GMDS: variants seen among roughly 807,000 people sequenced by gnomAD.
GMDS encodes the protein GDP-mannose 4,6-dehydratase.
A neutral mutation model predicts 49.9 loss-of-function variants in GMDS; 20 were observed. That is an observed-to-expected ratio of 0.40 (90% CI 0.28 to 0.58). The LOEUF (loss-of-function observed/expected upper bound fraction) is 0.58. GMDS is among the 20% of genes least tolerant of loss of function. The pLI is 0.42. For synonymous variants in GMDS, 177 were observed against 178.6 expected, an observed-to-expected ratio of 0.99 and a Z score of 0.07; for missense variants, 362 against 481.4, an observed-to-expected ratio of 0.75 and a Z score of 2.32.
At chr6:1,667,392 T>G (rs1764268190) in intron 9 of GMDS, among the ~76,000 whole-genome samples, 1 of 152,210 alleles carries the variant, frequency 6.6e-6, no homozygotes, top group African/African-American at 2.4e-5. Flanking sequence ...TGAGACCAGC[T>G]AAGCAGTTGT....
intron 4 of GMDS, among the ~76,000 whole-genome samples, chr6:2,075,792 A>C (rs1447116395): frequency 9.2e-5 from 14 of 152,324 alleles, no homozygotes; most frequent in Non-Finnish European, 1.5e-4. Flanking sequence ...TGGCTGGGTC[A>C]AATGGTATTT....
At chr6:2,205,017 G>A (rs1035651377) in intron 1 of GMDS, among the ~76,000 whole-genome samples, 12 of 151,918 alleles carry the variant, frequency 7.9e-5, no homozygotes, top group Admixed American at 2.6e-4. Context: ...TTTTTTTTAC[G>A]TCTAAAGTTT....
chr6:1,777,280 A>G (rs1009086642), intron 7 of GMDS, among the ~76,000 whole-genome samples: 1 of 152,250 alleles, frequency 6.6e-6, no homozygotes, highest in Non-Finnish European at 1.5e-5. Flanking sequence ...GATCCTGTCC[A>G]CTTCAAAGGT....
intron 1 of GMDS, among the ~76,000 whole-genome samples, chr6:2,239,245 C>T (rs908691328): frequency 4.6e-5 from 7 of 151,138 alleles, no homozygotes; most frequent in African/African-American, 1.7e-4. Flanking sequence ...ACAAGAATCA[C>T]TTGAACCCAG....
At chr6:1,700,074 G>A (rs73716253) in intron 9 of GMDS, among the ~76,000 whole-genome samples, 2,386 of 152,208 alleles carry the variant, frequency 0.016, 61 homozygotes, top group African/African-American at 0.055. Context: ...CACCCCCTCC[G>A]CACCGACACC....
chr6:1,893,225 A>C (rs1451377966), intron 7 of GMDS, among the ~76,000 whole-genome samples: 2 of 132,714 alleles, frequency 1.5e-5, no homozygotes, highest in African/African-American at 2.9e-5. Context: ...ACGGAGTCTG[A>C]CTCTGTCACC....
intron 5 of GMDS, among the ~76,000 whole-genome samples, 159 bp from the exon 6 acceptor site, chr6:1,960,130 G>A (rs2127296032): frequency 6.6e-6 from 1 of 152,314 alleles, no homozygotes; most frequent in Admixed American, 6.5e-5. Flanking sequence ...TATTACACCT[G>A]TCAATCATGT....
chr6:1,930,206 A>G lies in GMDS; in HGVS notation c.668T>C (p.Ile223Thr). The change falls in exon 7 of 11, where the codon ATT becomes ACT. Residue 223 changes from isoleucine (I) to threonine (T), a missense_variant. Transcript: ENST00000380815. ...GTAAATCTTAGCTACTGACCGGCTA[A>G]TTTTTCGAGTAACGAAATTAGCTCC... ...RRGANFVTRK[I>T]SRSVAKIYLG... 2 of 1,613,066 alleles carry G rather than the reference A, an allele frequency of 1.2e-6. No homozygotes were observed. The highest frequency in any genetic ancestry group is 1.7e-6 in the Non-Finnish European group (2 of 1,179,422).
At chr6:1,786,702 T>C (rs796113419) in intron 7 of GMDS, among the ~76,000 whole-genome samples, 2 of 152,150 alleles carry the variant, frequency 1.3e-5, no homozygotes, top group South Asian at 4.1e-4. Flanking sequence ...CCCAGGAGCC[T>C]GGTTTTGGTT....
At chr6:2,016,019 C>T (rs1767869476) in intron 4 of GMDS, among the ~76,000 whole-genome samples, 1 of 146,514 alleles carries the variant, frequency 6.8e-6, no homozygotes, top group Non-Finnish European at 1.5e-5. Flanking sequence ...AGGCAGATTG[C>T]TTGAGCCCAG....
At chr6:2,011,828 T>A (rs1405709422) in intron 4 of GMDS, among the ~76,000 whole-genome samples, 1 of 152,178 alleles carries the variant, frequency 6.6e-6, no homozygotes, top group South Asian at 2.1e-4. Flanking sequence ...GAGGCTGAGA[T>A]GGGAAAACCC....
At chr6:2,061,721 A>AAC (rs1771191956) in intron 4 of GMDS, among the ~76,000 whole-genome samples, 1 of 149,118 alleles carries the variant, frequency 6.7e-6, no homozygotes, top group Non-Finnish European at 1.5e-5. Flanking sequence ...TCTGTCTCAA[A>AAC]AAAAAAAAAA....
At chr6:2,044,554 G>T (rs555762478) in intron 4 of GMDS, among the ~76,000 whole-genome samples, 1 of 152,070 alleles carries the variant, frequency 6.6e-6, no homozygotes, top group Non-Finnish European at 1.5e-5. Context: ...AGACACTGGG[G>T]CTTCCCAGAG....
At chr6:2,228,779 A>G (rs1350102931) in intron 1 of GMDS, among the ~76,000 whole-genome samples, 2 of 152,162 alleles carry the variant, frequency 1.3e-5, no homozygotes, top group African/African-American at 4.8e-5. Context: ...AGTGCTGTAG[A>G]GCTCCCTTTT....
chr6:1,766,943 T>TC lies in GMDS; in HGVS notation c.772-24358_772-24357insG, dbSNP rs1768379589. On this transcript the variant is annotated intron_variant, in intron 7 of 10. Coordinates refer to ENST00000380815, the MANE Select transcript of GMDS (RefSeq NM_001500.4). The surrounding 1 kb of genome is among the most constrained non-coding windows in gnomAD (Gnocchi z 4.5). ...AGGGTTCTTTATTTCCTGCTGAATC[T>TC]GACTTAAGTGTAAAATCGAGCAGGG... Among the ~76,000 whole-genome samples the TC allele has an allele frequency of 2.1e-4, 32 of 152,182 alleles. No homozygotes were observed. The highest frequency in any genetic ancestry group is 2.0e-3 in the Admixed American group (30 of 15,270).
At chr6:1,719,177 G>A (rs930798663) in intron 9 of GMDS, among the ~76,000 whole-genome samples, 7 of 152,172 alleles carry the variant, frequency 4.6e-5, no homozygotes, top group African/African-American at 2.4e-5. Flanking sequence ...AAGTTGGGAC[G>A]GAAGCCCGTC....
At chr6:2,229,543 G>A (rs537655458) in intron 1 of GMDS, among the ~76,000 whole-genome samples, 116 of 152,094 alleles carry the variant, frequency 7.6e-4, no homozygotes, top group African/African-American at 2.5e-3. Flanking sequence ...CAAAGATCAC[G>A]CCACTGTACT....
intron 1 of GMDS, among the ~76,000 whole-genome samples, chr6:2,181,409 C>T (rs1778524034): frequency 1.3e-5 from 2 of 152,106 alleles, no homozygotes; most frequent in Non-Finnish European, 2.9e-5. Context: ...TCCAATCCAT[C>T]GGCAAATCCT....
At chr6:2,201,617 G>C (rs1316559881) in intron 1 of GMDS, among the ~76,000 whole-genome samples, 13 of 115,952 alleles carry the variant, frequency 1.1e-4, no homozygotes, top group East Asian at 8.6e-4. Flanking sequence ...ACACCACATG[G>C]ACATCCGAGA....
Sources: allele counts gnomAD v4.1 joint callset (sites outside exome capture counted in the v4.1 genomes callset), GRCh38; gene constraint gnomAD v4.1.1; non-coding constraint Gnocchi (gnomAD v3.1); transcripts MANE v1.5; gene names NCBI Gene and HGNC (gene_info 2026-07-23, HGNC 2026-07-21).